CDH12: variants seen among roughly 807,000 people sequenced by gnomAD.
CDH12 encodes the protein cadherin 12.
A neutral mutation model predicts 74.1 loss-of-function variants in CDH12; 41 were observed. That is an observed-to-expected ratio of 0.55 (90% CI 0.43 to 0.72). The LOEUF is 0.72. Ranked by LOEUF, CDH12 falls within the 30% of genes least tolerant of loss-of-function variation. CDH12 has a pLI of 0.00. For missense variants in CDH12, 945 were observed against 977.2 expected (o/e 0.97, Z 0.44); for synonymous variants, 399 against 355.0 (o/e 1.12, Z -1.39).
intron 3 of CDH12, among the ~76,000 whole-genome samples, chr5:22,390,735 G>C (rs1311267413): frequency 1.3e-5 from 2 of 152,230 alleles, no homozygotes; most frequent in East Asian, 3.9e-4. Context: ...AGACAAAATT[G>C]TGGTCACGAA....
At position 21,873,075 on chromosome 5, in the gene CDH12, A is replaced by G. The variant is rs182875106; in HGVS notation, c.527-18285T>C. Among the ~76,000 whole-genome samples, 10 of 152,296 alleles carry G rather than the reference A, an allele frequency of 6.6e-5. No homozygotes were observed. The East Asian group carries it at 1.9e-3, about 29-fold the overall frequency. ...TACTAAATCCTAAAATCAACACTGT[A>G]ATTAAATATATGATCTTGTGCAAGT... On this transcript the variant is annotated intron_variant, in intron 6 of 14. Coordinates refer to ENST00000382254, the MANE Select transcript of CDH12 (RefSeq NM_004061.5).
At chr5:22,790,424 T>TA (rs1279934030) in intron 1 of CDH12, among the ~76,000 whole-genome samples, 2 of 152,038 alleles carry the variant, frequency 1.3e-5, no homozygotes, top group Admixed American at 1.3e-4. Context: ...ATAAATAGAT[T>TA]AGCCCAAAGC....
At chr5:22,371,987 A>G (rs1255430769) in intron 3 of CDH12, among the ~76,000 whole-genome samples, 2 of 152,178 alleles carry the variant, frequency 1.3e-5, no homozygotes, top group Non-Finnish European at 2.9e-5. Context: ...TTCTTAACAC[A>G]AAGTTTGGAT....
At chr5:22,347,252 C>A (rs770282549) in intron 3 of CDH12, among the ~76,000 whole-genome samples, 1 of 152,148 alleles carries the variant, frequency 6.6e-6, no homozygotes, top group Non-Finnish European at 1.5e-5. Context: ...GACCCATCCT[C>A]AATCTGGATG....
chr5:22,044,530 A>AT (rs1286095796), intron 5 of CDH12, among the ~76,000 whole-genome samples: 1 of 152,204 alleles, frequency 6.6e-6, no homozygotes, highest in African/African-American at 2.4e-5. Flanking sequence ...AACCACTTCC[A>AT]TGATCTAATC....
chr5:22,489,887 C>T (rs963758981), intron 2 of CDH12, among the ~76,000 whole-genome samples: 4 of 151,716 alleles, frequency 2.6e-5, no homozygotes, highest in South Asian at 2.1e-4. Context: ...CCCTATGTTG[C>T]CCAGGCTGGT....
chr5:22,230,915 G>A (rs187107709), intron 3 of CDH12, among the ~76,000 whole-genome samples: 1 of 152,234 alleles, frequency 6.6e-6, no homozygotes, highest in Non-Finnish European at 1.5e-5. Context: ...TGAAGATGAA[G>A]GAATAGCAGA....
At chr5:22,676,724 G>C (rs1475775745) in intron 1 of CDH12, among the ~76,000 whole-genome samples, 1 of 152,162 alleles carries the variant, frequency 6.6e-6, no homozygotes, top group Non-Finnish European at 1.5e-5. Flanking sequence ...TATTCACAGT[G>C]TGGTAAGTTC....
At chr5:22,351,614 T>C (rs1740358125) in intron 3 of CDH12, among the ~76,000 whole-genome samples, 1 of 152,246 alleles carries the variant, frequency 6.6e-6, no homozygotes, top group Admixed American at 6.5e-5. Context: ...CAAGTTTGCA[T>C]ATTCGTGTCT....
intron 6 of CDH12, among the ~76,000 whole-genome samples, chr5:21,877,347 T>C (rs1751990974): frequency 6.6e-6 from 1 of 152,212 alleles, no homozygotes; most frequent in South Asian, 2.1e-4. Flanking sequence ...TGTCTCATTT[T>C]CCACTGTCTC....
chr5:22,334,958 C>A (rs757568093), intron 3 of CDH12, among the ~76,000 whole-genome samples: 1 of 151,944 alleles, frequency 6.6e-6, no homozygotes, highest in African/African-American at 2.4e-5. Context: ...TGAGTAATAC[C>A]CCATAACACA....
intron 6 of CDH12, among the ~76,000 whole-genome samples, chr5:21,923,194 A>G (rs1754437577): frequency 6.6e-6 from 1 of 152,160 alleles, no homozygotes; most frequent in Non-Finnish European, 1.5e-5. Flanking sequence ...ATGTGAATTA[A>G]GAAATTTTGA....
In CDH12 at chr5:22,654,135, C is replaced by T. The variant is rs192645251; in HGVS notation, c.-522-148771G>A. Among the ~76,000 whole-genome samples, 86 of 147,532 alleles carry T rather than the reference C, an allele frequency of 5.8e-4. No homozygotes were observed. In the East Asian group the frequency reaches 9.1e-3, roughly 16 times the overall value. On this transcript the variant is annotated intron_variant, in intron 1 of 14. Transcript: ENST00000382254. ...TGTCCTTCCCGTTCCTTCTCCCTTC[C>T]CCTTCCTTTCTTTCTTCCTTCCTTC...
chr5:21,792,788 T>C (rs1005221729), intron 10 of CDH12, among the ~76,000 whole-genome samples: 4 of 151,720 alleles, frequency 2.6e-5, no homozygotes, highest in African/African-American at 4.8e-5. Context: ...TTTACACCTG[T>C]CCTTTAGTTT....
rs549466496 is a variant in CDH12 at position 21,755,957 on chromosome 5, A to AT, written c.1634-116dup. 4.0e-5 allele frequency: 38 copies of AT among 948,920 alleles called. 1 individual carries two copies. Among genetic ancestry groups the AT allele is most frequent in the East Asian group, 1.5e-4 (6 of 40,658 alleles). The allele number at this position is 948,920 out of a possible 1,614,324, so 58.8% of individuals were successfully genotyped here. ...TCTTGAATCAGGAAAATGGATTCTT[A>AT]TTTTTTTTATTTCTGTTCACATTAT... On this transcript the variant is annotated intron_variant, in intron 13 of 14. Transcript: ENST00000382254.
At chr5:21,817,955 A>G (rs1238451010) in intron 8 of CDH12, among the ~76,000 whole-genome samples, 1 of 152,056 alleles carries the variant, frequency 6.6e-6, no homozygotes, top group East Asian at 1.9e-4. Context: ...ACAAAAAAAT[A>G]AAAACATAGA....
chr5:21,950,431 C>G (rs1283111536), intron 6 of CDH12, among the ~76,000 whole-genome samples: 1 of 151,804 alleles, frequency 6.6e-6, no homozygotes, highest in East Asian at 1.9e-4. Context: ...GAATAAGAAA[C>G]AGAAACAAAC....
intron 1 of CDH12, among the ~76,000 whole-genome samples, chr5:22,831,371 C>CTGTGTGTGTGTGTGTGTGTG (rs70959760): frequency 2.7e-5 from 4 of 146,642 alleles, no homozygotes; most frequent in African/African-American, 1.0e-4. Flanking sequence ...GTGTGTGTGT[C>CTGTGTGTGTGTGTGTGTGTG]TGTGTGTGTG....
intron 4 of CDH12, among the ~76,000 whole-genome samples, chr5:22,153,349 C>G (rs552995161): frequency 1.3e-5 from 2 of 151,754 alleles, no homozygotes; most frequent in South Asian, 2.1e-4. Context: ...TAAGACCCCC[C>G]TCCCATCCCG....
Sources: gnomAD v4.1 joint callset for allele counts (sites outside exome capture counted in the v4.1 genomes callset) on GRCh38, gnomAD v4.1.1 for gene constraint, MANE v1.5 for transcripts, NCBI Gene and HGNC (gene_info 2026-07-23, HGNC 2026-07-21) for gene names.